Variants in GREB1 observed in about 807,000 individuals in gnomAD.
GREB1 encodes the protein protein GREB1.
Under a neutral mutation model 200.7 loss-of-function variants are expected in GREB1, and 106 were observed. That is an observed-to-expected ratio of 0.53 (90% CI 0.45 to 0.62). The LOEUF (loss-of-function observed/expected upper bound fraction) is 0.62. GREB1 is among the 20% of genes least tolerant of loss of function. The pLI is 0.00. For synonymous variants in GREB1, 1,132 were observed against 1,092.4 expected, an observed-to-expected ratio of 1.04 and a Z score of -0.72; for missense variants, 2,243 against 2,556.8, an observed-to-expected ratio of 0.88 and a Z score of 2.65.
At chr2:11,562,406 G>A in intron 2 of GREB1, 57 bp from the exon 3 acceptor site, 1 of 1,601,014 alleles carries the variant, frequency 6.2e-7, no homozygotes, top group Non-Finnish European at 8.5e-7. Flanking sequence ...GGCCCTGGGG[G>A]AAGCTCTGAG....
chr2:11,583,634 G>A (rs894235294), intron 7 of GREB1, among the ~76,000 whole-genome samples: 19 of 152,022 alleles, frequency 1.2e-4, no homozygotes, highest in African/African-American at 4.3e-4. Context: ...CTGAGCAGGC[G>A]GATCACCTGA....
chr2:11,599,099 G>A (rs976725196), intron 15 of GREB1, among the ~76,000 whole-genome samples: 2 of 152,154 alleles, frequency 1.3e-5, no homozygotes, highest in Non-Finnish European at 1.5e-5. Context: ...GAAGGGAAGC[G>A]TGTCTCCCAG....
chr2:11,491,202 A>G (rs1322632453), intron 1 of GREB1, among the ~76,000 whole-genome samples: 1 of 152,252 alleles, frequency 6.6e-6, no homozygotes, highest in Non-Finnish European at 1.5e-5. Context: ...AACATTACCA[A>G]TAAATGGATC....
chr2:11,508,967 C>T (rs375486847), intron 1 of GREB1, among the ~76,000 whole-genome samples: 2,023 of 151,166 alleles, frequency 0.013, 25 homozygotes, highest in African/African-American at 0.033. Context: ...CTCCGCCTCC[C>T]GGGTTCACGC....
chr2:11,606,051 C>T (rs12615856), intron 17 of GREB1, among the ~76,000 whole-genome samples: 51,138 of 152,056 alleles, frequency 0.34, 10,583 homozygotes, highest in East Asian at 0.51. Context: ...GCGTAGCTGT[C>T]CCTTGGTATA....
chr2:11,640,576 G>T lies in GREB1; in HGVS notation c.*122G>T. The T allele has an allele frequency of 1.7e-6, 2 of 1,156,306 alleles. No homozygotes were observed. The highest frequency in any genetic ancestry group is 2.5e-6 in the Non-Finnish European group (2 of 795,532). The allele number at this position is 1,156,306 out of a possible 1,614,324, so 71.6% of individuals were successfully genotyped here. A position where few individuals can be genotyped will look rare whatever the true frequency, so the allele number is the denominator to read the frequency against. ...AATGGACCCCAGGGACTGTCCAGGT[G>T]CAGCCCCTCCTAGTACACATGGGCC... On this transcript the variant is annotated 3_prime_UTR_variant, in exon 33 of 33. Coordinates refer to ENST00000381486, the MANE Select transcript of GREB1 (RefSeq NM_014668.4). This position sits in a 1 kb window ranked among gnomAD's most constrained non-coding sequence, Gnocchi z 4.6.
chr2:11,504,348 A>G (rs955006146), intron 1 of GREB1, among the ~76,000 whole-genome samples: 1 of 152,188 alleles, frequency 6.6e-6, no homozygotes, highest in Non-Finnish European at 1.5e-5. Flanking sequence ...GAAAACTGAA[A>G]CCATGAAAAG....
chr2:11,549,648 TAA>T (rs1239152425), intron 1 of GREB1, among the ~76,000 whole-genome samples: 23 of 152,352 alleles, frequency 1.5e-4, no homozygotes, highest in Non-Finnish European at 2.8e-4. Flanking sequence ...GCCCTTCTAG[TAA>T]AGTTTAAATT....
intron 1 of GREB1, among the ~76,000 whole-genome samples, chr2:11,549,264 A>G (rs1675581035): frequency 6.6e-6 from 1 of 152,196 alleles, no homozygotes. Context: ...GAACCCCCAA[A>G]GAGTTTATTT....
At position 11,637,718 on chromosome 2, in the gene GREB1, G is replaced by T. The variant is rs1412105544; in HGVS notation, c.5349G>T (p.Val1783=). The T allele has an allele frequency of 4.3e-6, 7 of 1,612,870 alleles. No individual in the cohort carries two copies. The Admixed American group carries it at 5.0e-5, about 12-fold the overall frequency. ...GHRSFHITSK[V]SDNSAAVVPA... is the part of the protein sequence containing the mutation. ...CTGACACCCCCCTTCCCGTGCAGGTGTCTGATAACTCTGCCGCGGTCGTGC... is the reference window on the plus strand; with the variant it reads ...CTGACACCCCCCTTCCCGTGCAGGTTTCTGATAACTCTGCCGCGGTCGTGC... The change falls in exon 31 of 33, where the codon GTG becomes GTT. Residue 1783 remains valine, a splice_region_variant and synonymous_variant. Transcript: ENST00000381486.
At chr2:11,537,967 T>G (rs1674376649) in intron 1 of GREB1, among the ~76,000 whole-genome samples, 1 of 152,052 alleles carries the variant, frequency 6.6e-6, no homozygotes, top group Non-Finnish European at 1.5e-5. Flanking sequence ...TTGCAGGCTG[T>G]GTTAAGTATG....
rs1370715642 is a variant in GREB1 at position 11,637,611 on chromosome 2, A to G, written c.5347-105A>G. The G allele has an allele frequency of 2.0e-5, 17 of 853,118 alleles. No homozygotes were observed. The East Asian group carries it at 4.0e-4, about 20-fold the overall frequency. 52.8% of individuals were successfully genotyped at this position (853,118 alleles called of 1,614,324 possible). Reference sequence around the variant, plus strand: ...TATGTGTTCTCAGTTCATTCCCCTGAGTGACACAAGCTCCCATGCTTGGGC... The same window carrying G: ...TATGTGTTCTCAGTTCATTCCCCTGGGTGACACAAGCTCCCATGCTTGGGC... On this transcript the variant is annotated intron_variant, in intron 30 of 32. Transcript: ENST00000381486.
In GREB1 at chr2:11,585,668, G is replaced by C. The variant is rs551525881; in HGVS notation, c.1016-94G>C. On this transcript the variant is annotated intron_variant, in intron 8 of 32. Coordinates refer to ENST00000381486, the MANE Select transcript of GREB1 (RefSeq NM_014668.4). ...CTCCTGTAATCAGGGACGTTGGTCA[G>C]AGGGTAGCAGATTTGCTGGCTGGCC... 1.1e-5 allele frequency: 15 copies of C among 1,413,312 alleles called. No individual in the cohort carries two copies. In the East Asian group the frequency reaches 3.2e-4, roughly 30 times the overall value. The allele number at this position is 1,413,312 out of a possible 1,614,324, so 87.5% of individuals were successfully genotyped here. A position where few individuals can be genotyped will look rare whatever the true frequency, so the allele number is the denominator to read the frequency against.
chr2:11,618,977 A>T, intron 22 of GREB1, 58 bp downstream of exon 22: 1 of 1,402,954 alleles, frequency 7.1e-7, no homozygotes, highest in Non-Finnish European at 9.4e-7. Flanking sequence ...TCACACTCCC[A>T]TCTGGAGGGC....
At chr2:11,504,361 A>G (rs1230132589) in intron 1 of GREB1, among the ~76,000 whole-genome samples, 1 of 152,248 alleles carries the variant, frequency 6.6e-6, no homozygotes, top group Non-Finnish European at 1.5e-5. Flanking sequence ...ATGAAAAGTG[A>G]AACTGTGGAT....
chr2:11,601,016 G>A (rs1307927362), intron 16 of GREB1, 21 bp downstream of exon 16: 1 of 1,591,416 alleles, frequency 6.3e-7, no homozygotes, highest in Non-Finnish European at 8.6e-7. Context: ...CGGGGCTGCT[G>A]GGCCCTTGTG....
intron 1 of GREB1, among the ~76,000 whole-genome samples, chr2:11,497,424 A>G (rs1672917090): frequency 6.6e-6 from 1 of 152,214 alleles, no homozygotes; most frequent in African/African-American, 2.4e-5. Context: ...AATAAAGCTG[A>G]TATGAACACT....
At position 11,634,168 on chromosome 2, in the gene GREB1, C is replaced by T. The variant is rs760034743; in HGVS notation, c.5029C>T (p.His1677Tyr). 22 of 1,614,140 alleles carry T rather than the reference C, an allele frequency of 1.4e-5. No individual in the cohort carries two copies. In the East Asian group the frequency reaches 4.9e-4, roughly 36 times the overall value. ...SWSERNVSLK[H>Y]IMQHIEAAPD... ...GTCGGAAAGGAACGTGTCTTTGAAG[C>T]ACATCATGCAGCACATCGAGGCGGC... Residue 1677 changes from histidine (H) to tyrosine (Y), a missense_variant, in exon 29 of 33, where the codon CAC (histidine) becomes TAC (tyrosine). Physicochemically the swap from His to Tyr is moderately conservative, Grantham distance 83. Coordinates refer to ENST00000381486, the MANE Select transcript of GREB1 (RefSeq NM_014668.4).
At chr2:11,628,429 C>T (rs746503901) in intron 25 of GREB1, among the ~76,000 whole-genome samples, 55 of 152,084 alleles carry the variant, frequency 3.6e-4, no homozygotes, top group Admixed American at 2.6e-4. Context: ...CTTTCCATCC[C>T]TTTTACAGAG....
Sources: allele counts gnomAD v4.1 joint callset (sites outside exome capture counted in the v4.1 genomes callset), GRCh38; gene constraint gnomAD v4.1.1; non-coding constraint Gnocchi (gnomAD v3.1); transcripts MANE v1.5; gene names NCBI Gene and HGNC (gene_info 2026-07-23, HGNC 2026-07-21).